The following TBC1D22A variants were observed in gnomAD, a reference collection of about 807,000 sequenced individuals.
TBC1D22A encodes putative GTPase activator.
In TBC1D22A, 38 loss-of-function variants were observed where a neutral mutation model predicts 60.2. The observed-to-expected ratio is 0.63, with a 90% CI of 0.49 to 0.83. The LOEUF is 0.83. Among genes scored for constraint, TBC1D22A ranks in the 40% least tolerant of loss-of-function variants. TBC1D22A has a pLI of 0.00. For missense variants in TBC1D22A, 628 were observed against 701.0 expected (o/e 0.90, Z 1.18); for synonymous variants, 302 against 281.7 (o/e 1.07, Z -0.72).
At chr22:47,125,855 A>G (rs1486301685) in intron 12 of TBC1D22A, among the ~76,000 whole-genome samples, 1 of 152,264 alleles carries the variant, frequency 6.6e-6, no homozygotes, top group African/African-American at 2.4e-5. Flanking sequence ...GGAGCAGCCA[A>G]CATCGGGTGT....
intron 11 of TBC1D22A, among the ~76,000 whole-genome samples, chr22:47,098,962 G>A (rs760489658): frequency 3.9e-5 from 6 of 152,218 alleles, no homozygotes; most frequent in Non-Finnish European, 8.8e-5. Context: ...CTTGCACACA[G>A]TAGCCCCAAA....
At chr22:47,133,763 C>T (rs976316810) in intron 12 of TBC1D22A, among the ~76,000 whole-genome samples, 5 of 152,182 alleles carry the variant, frequency 3.3e-5, no homozygotes, top group Admixed American at 6.5e-5. Flanking sequence ...CCTGTGCCTG[C>T]GCGAGGCAGC....
At chr22:47,036,050 C>T (rs773923631) in intron 10 of TBC1D22A, among the ~76,000 whole-genome samples, 9 of 152,200 alleles carry the variant, frequency 5.9e-5, no homozygotes, top group South Asian at 2.1e-4. Context: ...TGAAGTGTTT[C>T]GGGGTCACTT....
chr22:46,814,350 AG>A, intron 4 of TBC1D22A, among the ~76,000 whole-genome samples: 1 of 152,272 alleles, frequency 6.6e-6, no homozygotes, highest in East Asian at 1.9e-4. Flanking sequence ...TGAGGCTTGA[AG>A]GGGTTAAGAA....
chr22:46,910,133 A>G (rs889966204), intron 7 of TBC1D22A, among the ~76,000 whole-genome samples: 39 of 152,328 alleles, frequency 2.6e-4, no homozygotes, highest in African/African-American at 9.4e-4. Flanking sequence ...GTGTATGAAT[A>G]TATGTGCGCG....
At chr22:46,909,589 TA>T (rs1407463424) in intron 7 of TBC1D22A, among the ~76,000 whole-genome samples, 1 of 152,200 alleles carries the variant, frequency 6.6e-6, no homozygotes, top group Non-Finnish European at 1.5e-5. Flanking sequence ...CATTTCTTCC[TA>T]ACTCTGTGTG....
At chr22:47,051,431 G>A (rs372104040) in intron 11 of TBC1D22A, among the ~76,000 whole-genome samples, 2 of 152,094 alleles carry the variant, frequency 1.3e-5, no homozygotes, top group African/African-American at 2.4e-5. Context: ...CCGGAATTAC[G>A]GTCCTCAGCC....
At chr22:47,153,455 G>A (rs1427821402) in intron 12 of TBC1D22A, among the ~76,000 whole-genome samples, 1 of 152,078 alleles carries the variant, frequency 6.6e-6, no homozygotes, top group African/African-American at 2.4e-5. Context: ...AACAGCATGG[G>A]CGGTGACCCA....
intron 12 of TBC1D22A, among the ~76,000 whole-genome samples, chr22:47,169,872 C>T (rs1301965188): frequency 2.6e-5 from 4 of 152,236 alleles, no homozygotes; most frequent in Non-Finnish European, 5.9e-5. Flanking sequence ...GTTTTCTGGG[C>T]TGGGCCCTGG....
Position 47,134,346 on chromosome 22 carries a change from C to T in TBC1D22A, c.1425+22743C>T, listed in dbSNP as rs533941368. On this transcript the variant is annotated intron_variant, in intron 12 of 12. Transcript: ENST00000337137. ...CCCACTTTGCAGCCTTTTCAGGACA[C>T]GCGAAAGAATCTTGTATGGAAACAA... is the stretch of plus-strand genomic sequence containing the variant. Among the ~76,000 whole-genome samples the T allele has an allele frequency of 2.1e-3, 321 of 152,342 alleles. 1 individual carries two copies. Among genetic ancestry groups the T allele is most frequent in the African/African-American group, 7.3e-3 (303 of 41,586 alleles).
At chr22:47,067,111 C>G (rs551144866) in intron 11 of TBC1D22A, among the ~76,000 whole-genome samples, 2 of 152,128 alleles carry the variant, frequency 1.3e-5, no homozygotes, top group Non-Finnish European at 2.9e-5. Context: ...ACTAAAAATA[C>G]AAAAATTAGC....
At chr22:47,041,600 T>C (rs1027707617) in intron 11 of TBC1D22A, among the ~76,000 whole-genome samples, 3 of 152,202 alleles carry the variant, frequency 2.0e-5, no homozygotes, top group Admixed American at 6.5e-5. Context: ...GGTGGGTCCA[T>C]GTTCTCTGCG....
intron 8 of TBC1D22A, among the ~76,000 whole-genome samples, chr22:46,945,721 T>C (rs1380112941): frequency 6.6e-6 from 1 of 152,230 alleles, no homozygotes; most frequent in East Asian, 1.9e-4. Flanking sequence ...GGTTACCCTC[T>C]GTCAGGGCAC....
chr22:46,953,490 T>TA (rs969588182), intron 8 of TBC1D22A, among the ~76,000 whole-genome samples: 1 of 152,138 alleles, frequency 6.6e-6, no homozygotes, highest in African/African-American at 2.4e-5. Flanking sequence ...TTTCCTGTTT[T>TA]TTTTCATTTA....
At chr22:47,167,897 G>C (rs922051977) in intron 12 of TBC1D22A, among the ~76,000 whole-genome samples, 2 of 152,192 alleles carry the variant, frequency 1.3e-5, no homozygotes, top group Admixed American at 1.3e-4. Flanking sequence ...AGTATCCTTG[G>C]CTTGAAGGTC....
intron 1 of TBC1D22A, among the ~76,000 whole-genome samples, chr22:46,787,639 A>C (rs2084217292): frequency 6.6e-6 from 1 of 152,240 alleles, no homozygotes; most frequent in Admixed American, 6.5e-5. Context: ...ATAACAGTGT[A>C]AACTTTGCAA....
intron 8 of TBC1D22A, among the ~76,000 whole-genome samples, chr22:46,972,477 T>G (rs2074106195): frequency 1.3e-5 from 2 of 152,140 alleles, no homozygotes; most frequent in African/African-American, 4.8e-5. Context: ...GAGTGAGGCA[T>G]TGACACGGGC....
chr22:47,132,013 G>A (rs966379717), intron 12 of TBC1D22A, among the ~76,000 whole-genome samples: 7 of 152,320 alleles, frequency 4.6e-5, no homozygotes, highest in East Asian at 1.9e-4. Flanking sequence ...GGTCAAGTAC[G>A]GTAATGGTGG....
chr22:46,932,883 C>A (rs1219457047), intron 8 of TBC1D22A, among the ~76,000 whole-genome samples: 1 of 152,048 alleles, frequency 6.6e-6, no homozygotes, highest in Non-Finnish European at 1.5e-5. Context: ...TGCCACCACG[C>A]CTGGCTAATT....
Sources: allele counts gnomAD v4.1 joint callset (sites outside exome capture counted in the v4.1 genomes callset), GRCh38; gene constraint gnomAD v4.1.1; transcripts MANE v1.5; gene names NCBI Gene and HGNC (gene_info 2026-07-23, HGNC 2026-07-21).